The following SEPTIN6 variants were observed in gnomAD, a reference collection of about 807,000 sequenced individuals.
The protein encoded by SEPTIN6 is septin 6, also known as septin-6.
Under a neutral mutation model 33.6 loss-of-function variants are expected in SEPTIN6, and 8 were observed. The ratio of observed to expected loss-of-function variants is 0.24; its 90% CI spans 0.14 to 0.43. SEPTIN6 has a LOEUF of 0.43. SEPTIN6 is among the 20% of genes least tolerant of loss of function. The pLI is 1.00. For synonymous variants in SEPTIN6, 131 were observed against 140.0 expected, an observed-to-expected ratio of 0.94 and a Z score of 0.45; for missense variants, 250 against 340.8, an observed-to-expected ratio of 0.73 and a Z score of 2.10.
At chrX:119,623,999 A>G (rs1056964284) in intron 10 of SEPTIN6, 1 of 293,939 alleles carries the variant, frequency 3.4e-6, no homozygotes, top group Non-Finnish European at 6.6e-6. Flanking sequence ...ATAAACTTCT[A>G]TTAACACAAC....
intron 2 of SEPTIN6, among the ~76,000 whole-genome samples, chrX:119,666,243 G>A (rs1394079361): frequency 1.8e-5 from 2 of 112,137 alleles, no homozygotes; most frequent in Non-Finnish European, 3.8e-5. Flanking sequence ...GGGAATGTGA[G>A]CCTCGACTTC....
At chrX:119,673,811 C>T (rs1255044334) in intron 2 of SEPTIN6, among the ~76,000 whole-genome samples, 4 of 86,534 alleles carry the variant, frequency 4.6e-5, no homozygotes, top group African/African-American at 1.9e-4. Flanking sequence ...CACTGCACTC[C>T]AGTCTGGGTG....
chrX:119,637,122 C>T lies in SEPTIN6; in HGVS notation c.861G>A (p.Arg287=). 1.7e-6 allele frequency: 2 copies of T among 1,210,673 alleles called. No individual in the cohort carries two copies. The highest frequency in any genetic ancestry group is 2.2e-6 in the Non-Finnish European group (2 of 894,418). ...CATAGTGCCGGGTGTGGGTCTGCTC[C>T]CGCAGATCCTCCATGTTGACCCGAA... The part of the protein sequence containing the change: ...MLIRVNMEDL[R]EQTHTRHYEL... Residue 287 remains arginine (R), a synonymous_variant, in exon 7 of 11, where the codon CGG becomes CGA. Coordinates refer to ENST00000394610, the MANE Select transcript of SEPTIN6 (RefSeq NM_145799.4).
chrX:119,636,452 C>T (rs1461649326), intron 7 of SEPTIN6, among the ~76,000 whole-genome samples: 1 of 112,205 alleles, frequency 8.9e-6, no homozygotes, highest in Non-Finnish European at 1.9e-5. Flanking sequence ...TGATGATCAA[C>T]ATCCTGCGGT....
intron 5 of SEPTIN6, among the ~76,000 whole-genome samples, chrX:119,649,374 G>A (rs111984285): frequency 1.1e-4 from 12 of 106,500 alleles, no homozygotes; most frequent in Admixed American, 3.1e-4. Flanking sequence ...GATTACAGGC[G>A]TGAGACACCA....
At chrX:119,669,217 T>C (rs963095170) in intron 2 of SEPTIN6, among the ~76,000 whole-genome samples, 1 of 113,462 alleles carries the variant, frequency 8.8e-6, no homozygotes, top group Non-Finnish European at 1.9e-5. Context: ...CAATGTGCTC[T>C]AGCGAGACGC....
chrX:119,687,243 T>C (rs924539261), intron 1 of SEPTIN6, among the ~76,000 whole-genome samples: 3 of 104,651 alleles, frequency 2.9e-5, no homozygotes, highest in African/African-American at 1.1e-4. Flanking sequence ...CTTTCTTTCA[T>C]CTGTCTTTTT....
chrX:119,636,989 A>AGCTGGGCTGGGCTGG lies in SEPTIN6; in HGVS notation c.956+23_956+37dup, dbSNP rs750144306. On this transcript the variant is annotated intron_variant, in intron 7 of 10. Coordinates refer to ENST00000394610, the MANE Select transcript of SEPTIN6 (RefSeq NM_145799.4). ...CACACCACCTGAGTGGGCTGAGCTG[A>AGCTGGGCTGGGCTGG]GCTGGGCTGGGCTGGGCTGGGCTGG... The AGCTGGGCTGGGCTGG allele has an allele frequency of 1.7e-5, 20 of 1,188,427 alleles. No homozygotes were observed. In the East Asian group the frequency reaches 5.1e-4, roughly 30 times the overall value.
At chrX:119,656,244 G>A (rs1603341472) in intron 3 of SEPTIN6, among the ~76,000 whole-genome samples, 1 of 111,809 alleles carries the variant, frequency 8.9e-6, no homozygotes, top group South Asian at 3.8e-4. Flanking sequence ...TATTCATTTC[G>A]GATAATGATA....
chrX:119,663,718 G>A (rs1249981027), intron 2 of SEPTIN6, 41 bp from the exon 3 acceptor site: 1 of 1,032,778 alleles, frequency 9.7e-7, no homozygotes, highest in South Asian at 2.3e-5. Flanking sequence ...TTCACATAGT[G>A]ACTATTCAGC....
At chrX:119,632,685 T>C (rs1464579677) in intron 8 of SEPTIN6, among the ~76,000 whole-genome samples, 1 of 110,910 alleles carries the variant, frequency 9.0e-6, no homozygotes, top group Non-Finnish European at 1.9e-5. Context: ...TGGAGTGCAG[T>C]GGCATGATCT....
At position 119,637,067 on chromosome X, in the gene SEPTIN6, T is replaced by C. The variant is rs1355032750; in HGVS notation, c.916A>G (p.Met306Val). ...TCAGGGTCGGTGTCCTTGAAGCCCA[T>C]CTCCTCCAGCTTACAGCGGCGATAC... ...ELYRRCKLEE[M>V]GFKDTDPDSK... Residue 306 changes from methionine to valine, a missense_variant, in exon 7 of 11, where the codon ATG (methionine) becomes GTG (valine). By Grantham distance (21) the Met-to-Val change is conservative (BLOSUM62 1). Transcript: ENST00000394610. The C allele has an allele frequency of 1.7e-6, 2 of 1,209,202 alleles. No homozygotes were observed. Among genetic ancestry groups the C allele is most frequent in the Non-Finnish European group, 2.2e-6 (2 of 895,027 alleles).
intron 1 of SEPTIN6, among the ~76,000 whole-genome samples, chrX:119,680,326 A>G (rs1321067462): frequency 9.2e-6 from 1 of 108,761 alleles, no homozygotes; most frequent in Non-Finnish European, 1.9e-5. Flanking sequence ...CTCCTGCCTC[A>G]GCCTCCGGAG....
chrX:119,692,187 T>A lies in SEPTIN6; in HGVS notation c.30+889A>T, dbSNP rs191084735. 9.2e-4 allele frequency among the ~76,000 whole-genome samples: 99 copies of A among 107,228 alleles called. 3 individuals carry two copies. In the South Asian group the frequency reaches 0.022, roughly 24 times the overall value. 93.1% of individuals were successfully genotyped at this position (107,228 alleles called of 115,157 possible). A position where few individuals can be genotyped will look rare whatever the true frequency, so the allele number is the denominator to read the frequency against. On this transcript the variant is annotated intron_variant, in intron 1 of 10. Coordinates refer to ENST00000394610, the MANE Select transcript of SEPTIN6 (RefSeq NM_145799.4). ...CGAGTCTCACACTTATTTTCCTGAGTCTCCATAGAAAGAAGCCAGCTCCAC... is the reference window on the plus strand; with the variant it reads ...CGAGTCTCACACTTATTTTCCTGAGACTCCATAGAAAGAAGCCAGCTCCAC...
chrX:119,643,272 A>G (rs1422830260), intron 5 of SEPTIN6, among the ~76,000 whole-genome samples: 1 of 110,101 alleles, frequency 9.1e-6, no homozygotes, highest in African/African-American at 3.3e-5. Flanking sequence ...GAATGCAGAG[A>G]GCTAGACTGA....
rs749052829 is a variant in SEPTIN6 at position 119,679,163 on chromosome X, A to G, written c.31-3495T>C. On this transcript the variant is annotated intron_variant, in intron 1 of 10. Coordinates refer to ENST00000394610, the MANE Select transcript of SEPTIN6 (RefSeq NM_145799.4). Reference sequence around the variant, plus strand: ...TGCCATGTTGGCCAGGCTGGTCTTGAACTACTGACCTCAGGTGATCCACCC... The same window carrying G: ...TGCCATGTTGGCCAGGCTGGTCTTGGACTACTGACCTCAGGTGATCCACCC... Among the ~76,000 whole-genome samples the G allele has an allele frequency of 1.8e-4, 20 of 110,968 alleles. No individual in the cohort carries two copies. In the South Asian group the frequency reaches 1.9e-3, roughly 11 times the overall value.
intron 8 of SEPTIN6, among the ~76,000 whole-genome samples, chrX:119,631,956 T>A (rs1226922832): frequency 1.8e-5 from 2 of 108,491 alleles, no homozygotes; most frequent in Non-Finnish European, 3.8e-5. Context: ...AGAGACAGGG[T>A]TTCACCATAT....
chrX:119,617,599 C>T lies in SEPTIN6; in HGVS notation c.*2494G>A. ...AAAAAACCTCGAGGGTCTTCTAATA[C>T]TAACTAGTCAGTTACTCTGAACATC... On this transcript the variant is annotated 3_prime_UTR_variant, in exon 11 of 11. Transcript: ENST00000394610. 2.5e-6 allele frequency: 2 copies of T among 802,433 alleles called. No individual in the cohort carries two copies. The highest frequency in any genetic ancestry group is 3.0e-6 in the Non-Finnish European group (2 of 668,382). 66.1% of individuals were successfully genotyped at this position (802,433 alleles called of 1,213,427 possible). A position where few individuals can be genotyped will look rare whatever the true frequency, so the allele number is the denominator to read the frequency against.
chrX:119,620,711 T>G (rs1453768787), intron 10 of SEPTIN6, among the ~76,000 whole-genome samples: 2 of 109,398 alleles, frequency 1.8e-5, no homozygotes, highest in Non-Finnish European at 3.8e-5. Flanking sequence ...ACCTCCATCT[T>G]CCAATTTCAA....
Sources: allele counts gnomAD v4.1 joint callset (sites outside exome capture counted in the v4.1 genomes callset), GRCh38; gene constraint gnomAD v4.1.1; transcripts MANE v1.5; gene names NCBI Gene and HGNC (gene_info 2026-07-23, HGNC 2026-07-21).